The following RGPD1 variants were observed in gnomAD, a reference collection of about 807,000 sequenced individuals.
RGPD1 encodes the protein RANBP2-like and GRIP domain-containing protein 1.
In RGPD1, 7 loss-of-function variants were observed where a neutral mutation model predicts 40.6. That is an observed-to-expected ratio of 0.17 (90% CI 0.10 to 0.32). RGPD1 has a LOEUF of 0.32. Ranked by LOEUF, RGPD1 falls within the 10% of genes least tolerant of loss-of-function variation. The pLI, the probability that RGPD1 is intolerant of heterozygous loss-of-function variation, is 1.00. For missense variants in RGPD1, 50 were observed against 472.5 expected, an observed-to-expected ratio of 0.11 and a Z score of 8.29; for synonymous variants, 24 against 167.0, an observed-to-expected ratio of 0.14 and a Z score of 6.60.
intron 1 of RGPD1, chr2:86,930,706 G>C: frequency 6.3e-7 from 1 of 1,579,006 alleles, no homozygotes; most frequent in South Asian, 1.1e-5. Context: ...GGCGCCCGAA[G>C]TGCCCCCCAG....
intron 21 of RGPD1, among the ~76,000 whole-genome samples, chr2:86,997,315 C>T (rs1315290757): frequency 2.1e-5 from 1 of 46,718 alleles, no homozygotes; most frequent in Non-Finnish European, 4.0e-5. Context: ...TAGGCAAATG[C>T]AGCTTTGAAA....
chr2:86,944,540 C>A lies in RGPD1; in HGVS notation c.72+2232C>A, dbSNP rs567238556. 2.6e-5 allele frequency among the ~76,000 whole-genome samples: 4 copies of A among 152,046 alleles called. No homozygotes were observed. In the East Asian group the frequency reaches 7.7e-4, roughly 29 times the overall value. On this transcript the variant is annotated intron_variant, in intron 1 of 22. Coordinates refer to ENST00000641458, the MANE Select transcript of RGPD1 (RefSeq NM_001382344.1). ...ACCTCAGTCTCCCGAGTAGTTGGGA[C>A]CACAGGTGTACCCACCACACCTGCT...
rs1682275546 is a variant in RGPD1, at chr2:87,013,547, G to T, written c.*1000G>T. On this transcript the variant is annotated 3_prime_UTR_variant, in exon 23 of 23. Coordinates refer to ENST00000641458, the MANE Select transcript of RGPD1 (RefSeq NM_001382344.1). ...AGAATGGGGAAAGGGTTTTTAGATG[G>T]GGGAATGGCAGGCTTTTCCGAGGCT... 1.0e-5 allele frequency: 1 copy of T among 98,696 alleles called. No homozygotes were observed. The highest frequency in any genetic ancestry group is 2.0e-5 in the Non-Finnish European group (1 of 49,780). 6.1% of individuals were successfully genotyped at this position (98,696 alleles called of 1,614,324 possible).
chr2:86,945,837 A>T (rs1573616134), intron 1 of RGPD1, among the ~76,000 whole-genome samples: 1 of 144,882 alleles, frequency 6.9e-6, no homozygotes, highest in African/African-American at 2.6e-5. Flanking sequence ...AGATTGCGCC[A>T]CTGCACTCCA....
intron 22 of RGPD1, among the ~76,000 whole-genome samples, chr2:87,007,402 G>A (rs1682093171): frequency 6.6e-6 from 1 of 152,112 alleles, no homozygotes; most frequent in Admixed American, 6.6e-5. Context: ...TTTGTTTTGA[G>A]ACAGTCTCGC....
At chr2:86,930,074 C>T (rs908676728) in intron 1 of RGPD1, among the ~76,000 whole-genome samples, 2 of 142,410 alleles carry the variant, frequency 1.4e-5, no homozygotes, top group Non-Finnish European at 3.1e-5. Context: ...TCAGCCTCAC[C>T]GGAGGCAGGA....
At chr2:86,925,499 C>T (rs377527385) in intron 1 of RGPD1, among the ~76,000 whole-genome samples, 3 of 152,012 alleles carry the variant, frequency 2.0e-5, no homozygotes, top group Admixed American at 2.0e-4. Context: ...AACTCCTAAC[C>T]TCAAGTGATC....
At chr2:86,926,914 G>A (rs1452555727) in intron 1 of RGPD1, among the ~76,000 whole-genome samples, 5 of 151,600 alleles carry the variant, frequency 3.3e-5, no homozygotes, top group Admixed American at 6.6e-5. Context: ...AATAAGTTCT[G>A]GGCTTTAATC....
intron 1 of RGPD1, 97 bp downstream of exon 1, chr2:86,942,405 C>CGACCTGGCCGGGCGGCGGCCTT (rs1679889223): frequency 7.7e-7 from 1 of 1,293,566 alleles, no homozygotes; most frequent in Non-Finnish European, 1.0e-6. Flanking sequence ...GCGGCGGCCT[C>CGACCTGGCCGGGCGGCGGCCTT]GATGGCTCAG....
intron 1 of RGPD1, among the ~76,000 whole-genome samples, chr2:86,915,166 C>T (rs1677733090): frequency 6.7e-6 from 1 of 150,018 alleles, no homozygotes; most frequent in Non-Finnish European, 1.5e-5. Flanking sequence ...TGTGGTGGTG[C>T]ACTTCTGTAA....
chr2:86,925,135 G>A (rs1486178012), intron 1 of RGPD1, among the ~76,000 whole-genome samples: 17 of 152,256 alleles, frequency 1.1e-4, no homozygotes, highest in African/African-American at 3.6e-4. Flanking sequence ...TAAAAAATTT[G>A]TAAGCTGGTG....
At chr2:86,962,775 G>A (rs1445892296) in intron 6 of RGPD1, among the ~76,000 whole-genome samples, 7 of 17,212 alleles carry the variant, frequency 4.1e-4, no homozygotes, top group African/African-American at 2.9e-3. Context: ...TATTTATCCT[G>A]TGATTGGAGG....
intron 1 of RGPD1, among the ~76,000 whole-genome samples, chr2:86,942,881 C>A (rs1361760237): frequency 6.6e-6 from 1 of 151,926 alleles, no homozygotes. Context: ...GGCGCCGGAT[C>A]TTCCTCTTTC....
intron 4 of RGPD1, among the ~76,000 whole-genome samples, chr2:86,956,070 A>G (rs994903473): frequency 3.4e-5 from 5 of 147,444 alleles, no homozygotes; most frequent in African/African-American, 1.3e-4. Context: ...TTGTCATGCA[A>G]AGTAATTCCA....
chr2:86,943,805 G>T (rs1333359908), intron 1 of RGPD1, among the ~76,000 whole-genome samples: 1 of 152,190 alleles, frequency 6.6e-6, no homozygotes, highest in Non-Finnish European at 1.5e-5. Context: ...GAGGTCAGGA[G>T]TTGGAGACCA....
intron 22 of RGPD1, among the ~76,000 whole-genome samples, chr2:87,009,104 G>C (rs1340979643): frequency 7.3e-6 from 1 of 137,286 alleles, no homozygotes; most frequent in African/African-American, 2.8e-5. Context: ...AGGAGATCGA[G>C]ACCATCCTGG....
intron 4 of RGPD1, among the ~76,000 whole-genome samples, chr2:86,957,463 GTC>G (rs1179611482): frequency 6.6e-6 from 1 of 152,308 alleles, no homozygotes; most frequent in Non-Finnish European, 1.5e-5. Flanking sequence ...AGTCCTGGTA[GTC>G]TCTGAAGAGA....
Position 86,930,825 on chromosome 2 carries a change from C to T in RGPD1, c.72+16904C>T, listed in dbSNP as rs549678059. The stretch of plus-strand genomic sequence containing the variant: ...AGCCGCCCCGCCCCTGCCACCTCTG[C>T]TGCCACTGCCATGGTCCCTGCCCGG... On this transcript the variant is annotated intron_variant, in intron 1 of 22. Transcript: ENST00000398193. 4.2e-3 allele frequency: 3,449 copies of T among 827,108 alleles called. 19 individuals carry two copies. Among genetic ancestry groups the T allele is most frequent in the Middle Eastern group, 0.011 (33 of 2,882 alleles). The allele number at this position is 827,108 out of a possible 1,614,324, so 51.2% of individuals were successfully genotyped here.
In RGPD1 at chr2:86,931,150, A is replaced by G. The variant is rs1337292172; in HGVS notation, c.72+17229A>G. Among the ~76,000 whole-genome samples the G allele has an allele frequency of 2.9e-5, 4 of 138,596 alleles. 1 individual carries two copies. The highest frequency in any genetic ancestry group is 1.1e-4 in the African/African-American group (4 of 36,238). The allele number at this position is 138,596 out of a possible 152,430, so 90.9% of individuals were successfully genotyped here. A position where few individuals can be genotyped will look rare whatever the true frequency, so the allele number is the denominator to read the frequency against. On this transcript the variant is annotated intron_variant, in intron 1 of 22. Transcript: ENST00000398193. ...ATAAAGTGATAATCTCAGCTCCATGATATACTCGTCAAGCAGTTACTTACA... is the reference window on the plus strand; with the variant it reads ...ATAAAGTGATAATCTCAGCTCCATGGTATACTCGTCAAGCAGTTACTTACA...
Sources: allele counts gnomAD v4.1 joint callset (sites outside exome capture counted in the v4.1 genomes callset), GRCh38; gene constraint gnomAD v4.1.1; transcripts MANE v1.5; gene names NCBI Gene and HGNC (gene_info 2026-07-23, HGNC 2026-07-21).